RYR2: variants seen among roughly 807,000 people sequenced by gnomAD.
RYR2 encodes cardiac muscle ryanodine receptor-calcium release channel.
Under a neutral mutation model 601.1 loss-of-function variants are expected in RYR2, and 227 were observed. That is an observed-to-expected ratio of 0.38 (90% CI 0.34 to 0.42). RYR2 has a LOEUF of 0.42. Ranked by LOEUF, RYR2 falls within the 10% of genes least tolerant of loss-of-function variation. The pLI is 1.00. For missense variants in RYR2, 4,646 were observed against 6,156.5 expected, an observed-to-expected ratio of 0.75 and a Z score of 8.21; for synonymous variants, 2,223 against 2,175.1, an observed-to-expected ratio of 1.02 and a Z score of -0.61.
chr1:237,741,192 T>A (rs1691576849), intron 79 of RYR2, among the ~76,000 whole-genome samples: 1 of 152,148 alleles, frequency 6.6e-6, no homozygotes, highest in East Asian at 1.9e-4. Flanking sequence ...GGTGCTATCA[T>A]GATAAACAGA....
In RYR2 at chr1:237,594,885, G is replaced by GGTTTTTTTTGTTTTTTTTT. The variant is rs773047111; in HGVS notation, c.4437-604_4437-603insGTTTTTTTTTGTTTTTTTT. Among the ~76,000 whole-genome samples, 7 of 79,058 alleles carry GGTTTTTTTTGTTTTTTTTT rather than the reference G, an allele frequency of 8.9e-5. 1 individual carries two copies. Among genetic ancestry groups the GGTTTTTTTTGTTTTTTTTT allele is most frequent in the African/African-American group, 2.9e-4 (4 of 13,816 alleles). The allele number at this position is 79,058 out of a possible 152,430, so 51.9% of individuals were successfully genotyped here. On this transcript the variant is annotated intron_variant, in intron 33 of 104. Coordinates refer to ENST00000366574, the MANE Select transcript of RYR2 (RefSeq NM_001035.3). The stretch of plus-strand genomic sequence containing the variant: ...GTGGCATTTGTGGTTAATATCACTG[G>GGTTTTTTTTGTTTTTTTTT]GTTTTTTTTTTTTTTTTTTTTTTTT...
At chr1:237,503,221 A>G (rs1334056749) in intron 21 of RYR2, 68 bp from the exon 22 acceptor site, 2 of 1,410,666 alleles carry the variant, frequency 1.4e-6, no homozygotes, top group African/African-American at 2.9e-5. Flanking sequence ...TTTCCCTAAG[A>G]TTTTGTGAAT....
intron 1 of RYR2, among the ~76,000 whole-genome samples, chr1:237,209,921 T>C (rs1682378013): frequency 6.6e-6 from 1 of 152,142 alleles, no homozygotes; most frequent in Admixed American, 6.5e-5. Flanking sequence ...TTTAGAGAGG[T>C]TGTGCATCTC....
chr1:237,154,353 G>T (rs561052436), intron 1 of RYR2, among the ~76,000 whole-genome samples: 1 of 152,166 alleles, frequency 6.6e-6, no homozygotes, highest in Non-Finnish European at 1.5e-5. Context: ...CGAGTGCTTT[G>T]GTGCAGGCAG....
At chr1:237,047,949 G>A (rs1660785555) in intron 1 of RYR2, among the ~76,000 whole-genome samples, 1 of 152,106 alleles carries the variant, frequency 6.6e-6, no homozygotes, top group East Asian at 1.9e-4. Flanking sequence ...GAGCCAGAGA[G>A]ATGAAAGGAA....
intron 2 of RYR2, among the ~76,000 whole-genome samples, chr1:237,280,828 G>A (rs1257026444): frequency 2.7e-5 from 4 of 147,962 alleles, no homozygotes; most frequent in South Asian, 4.3e-4. Flanking sequence ...TCTGTCTCCC[G>A]GGCTGGAGTG....
At chr1:237,341,385 C>T (rs1697760319) in intron 3 of RYR2, among the ~76,000 whole-genome samples, 1 of 152,040 alleles carries the variant, frequency 6.6e-6, no homozygotes, top group Admixed American at 6.6e-5. Flanking sequence ...ATTCTGTCAC[C>T]CAGGCTGGAG....
chr1:237,052,020 G>A (rs1017047138), intron 1 of RYR2, among the ~76,000 whole-genome samples: 1 of 152,164 alleles, frequency 6.6e-6, no homozygotes, highest in Non-Finnish European at 1.5e-5. Context: ...AATGTTTGTG[G>A]AATTGCATCG....
chr1:237,531,787 T>G (rs376344988), intron 25 of RYR2, among the ~76,000 whole-genome samples: 45 of 152,296 alleles, frequency 3.0e-4, no homozygotes, highest in African/African-American at 1.0e-3. Flanking sequence ...ATGGGTACAT[T>G]TTGCATATTT....
At chr1:237,047,742 T>C (rs150373076) in intron 1 of RYR2, among the ~76,000 whole-genome samples, 2 of 152,180 alleles carry the variant, frequency 1.3e-5, no homozygotes, top group Non-Finnish European at 2.9e-5. Flanking sequence ...TTCTGGGTAA[T>C]TTTTTACATT....
intron 1 of RYR2, among the ~76,000 whole-genome samples, chr1:237,097,379 TTA>T (rs1667603932): frequency 6.6e-6 from 1 of 152,230 alleles, no homozygotes; most frequent in African/African-American, 2.4e-5. Flanking sequence ...TTCTTGTGTA[TTA>T]ATTTTTAATA....
At chr1:237,716,849 T>C (rs1292758001) in intron 71 of RYR2, among the ~76,000 whole-genome samples, 1 of 152,156 alleles carries the variant, frequency 6.6e-6, no homozygotes, top group Non-Finnish European at 1.5e-5. Flanking sequence ...TTTATTCTTA[T>C]ATTTCTTAAG....
At chr1:237,150,152 G>A (rs1032140048) in intron 1 of RYR2, among the ~76,000 whole-genome samples, 2 of 152,174 alleles carry the variant, frequency 1.3e-5, no homozygotes, top group African/African-American at 2.4e-5. Context: ...CTAGGGTTTG[G>A]AAATCTTAAA....
chr1:237,435,066 C>T (rs1047144904), intron 12 of RYR2, among the ~76,000 whole-genome samples: 13 of 152,242 alleles, frequency 8.5e-5, no homozygotes, highest in South Asian at 4.1e-4. Context: ...GCATGTGCTA[C>T]GATGCCAGAC....
Position 237,590,996 on chromosome 1 carries a change from A to G in RYR2, c.4160+4A>G, listed in dbSNP as rs759979308. 1.2e-6 allele frequency: 2 copies of G among 1,603,062 alleles called. No homozygotes were observed. The highest frequency in any genetic ancestry group is 2.2e-5 in the South Asian group (2 of 90,104). The stretch of plus-strand genomic sequence containing the variant: ...AGCCCTCTCGTCTGAAACAAAGGTT[A>G]CTAATTTATACGCTGTGATTTTAAA... On this transcript the variant is annotated splice_donor_region_variant and intron_variant, in intron 31 of 104. Coordinates refer to ENST00000366574, the MANE Select transcript of RYR2 (RefSeq NM_001035.3).
At chr1:237,257,081 A>G (rs931270633) in intron 1 of RYR2, among the ~76,000 whole-genome samples, 3 of 152,238 alleles carry the variant, frequency 2.0e-5, no homozygotes, top group African/African-American at 4.8e-5. Context: ...GCTGTAGCCT[A>G]CTATCTAAAG....
At chr1:237,190,469 G>A (rs968757391) in intron 1 of RYR2, among the ~76,000 whole-genome samples, 9 of 152,076 alleles carry the variant, frequency 5.9e-5, no homozygotes, top group Non-Finnish European at 1.3e-4. Context: ...TTGTTGCTGA[G>A]TTGCAGAAGT....
chr1:237,429,174 C>T (rs1706526039), intron 12 of RYR2, among the ~76,000 whole-genome samples: 1 of 152,090 alleles, frequency 6.6e-6, no homozygotes, highest in South Asian at 2.1e-4. Context: ...GAATTGCTGC[C>T]ATTCTGTGAT....
In RYR2 at chr1:237,106,983, G is replaced by C. The variant is rs576047301; in HGVS notation, c.48+64414G>C. On this transcript the variant is annotated intron_variant, in intron 1 of 104. Transcript: ENST00000366574. The surrounding 1 kb of genome is among the most constrained non-coding windows in gnomAD (Gnocchi z 4.4). ...GTTAAGATTTTAACATATGATTTTG[G>C]GGGGACTGAGGGACATAAACATTTA... Among the ~76,000 whole-genome samples the C allele has an allele frequency of 3.9e-5, 6 of 152,068 alleles. No homozygotes were observed. The highest frequency in any genetic ancestry group is 6.6e-5 in the Admixed American group (1 of 15,262).
Sources: gnomAD v4.1 joint callset for allele counts (sites outside exome capture counted in the v4.1 genomes callset) on GRCh38, gnomAD v4.1.1 for gene constraint, Gnocchi (gnomAD v3.1) non-coding constraint, MANE v1.5 for transcripts, NCBI Gene and HGNC (gene_info 2026-07-23, HGNC 2026-07-21) for gene names.